The following RPRD1B variants were observed in gnomAD, a reference collection of about 807,000 sequenced individuals.
RPRD1B encodes regulation of nuclear pre-mRNA domain containing 1B.
A neutral mutation model predicts 41.5 loss-of-function variants in RPRD1B; 11 were observed. That is an observed-to-expected ratio of 0.27 (90% CI 0.17 to 0.44). RPRD1B has a LOEUF of 0.44. RPRD1B is among the 20% of genes least tolerant of loss of function. The pLI, the probability that RPRD1B is intolerant of heterozygous loss-of-function variation, is 1.00. For synonymous variants in RPRD1B, 158 were observed against 155.6 expected (o/e 1.02, Z -0.12); for missense variants, 248 against 389.9 (o/e 0.64, Z 3.06).
intron 5 of RPRD1B, 136 bp from the exon 6 acceptor site, chr20:38,065,942 ATTG>A (rs2074349982): frequency 2.6e-6 from 2 of 758,472 alleles, no homozygotes; most frequent in African/African-American, 3.5e-5. Flanking sequence ...TAATCAACTC[ATTG>A]TTTGTCCACA....
At chr20:38,037,170 T>C (rs2074011980) in intron 1 of RPRD1B, among the ~76,000 whole-genome samples, 1 of 152,228 alleles carries the variant, frequency 6.6e-6, no homozygotes. Context: ...TTTTTCTTGC[T>C]TAAATACTTC....
At chr20:38,087,706 GCCAAAGAAGAA>G (rs2074574757) in intron 6 of RPRD1B, among the ~76,000 whole-genome samples, 1 of 152,194 alleles carries the variant, frequency 6.6e-6, no homozygotes, top group Non-Finnish European at 1.5e-5. Context: ...AGTATAAACA[GCCAAAGAAGAA>G]AAGTACTTGT....
chr20:38,033,834 C>A lies in RPRD1B; in HGVS notation c.-114C>A. ...CCTTCTCGCACCCCTGGCAGTCTGT[C>A]AGTCGGTAAAAAGTCCCGCAGCCTG... On this transcript the variant is annotated 5_prime_UTR_variant, in exon 1 of 7. Coordinates refer to ENST00000373433, the MANE Select transcript of RPRD1B (RefSeq NM_021215.4). 9.4e-7 allele frequency: 1 copy of A among 1,067,352 alleles called. No homozygotes were observed. The highest frequency in any genetic ancestry group is 1.6e-5 in the South Asian group (1 of 61,456). 66.1% of individuals were successfully genotyped at this position (1,067,352 alleles called of 1,614,324 possible). A position where few individuals can be genotyped will look rare whatever the true frequency, so the allele number is the denominator to read the frequency against.
intron 6 of RPRD1B, among the ~76,000 whole-genome samples, chr20:38,072,769 A>G (rs1175756380): frequency 1.3e-5 from 2 of 152,218 alleles, no homozygotes; most frequent in Non-Finnish European, 2.9e-5. Flanking sequence ...TTTTGGGACC[A>G]CAGATGGAGG....
chr20:38,036,967 C>G (rs2074009896), intron 1 of RPRD1B, among the ~76,000 whole-genome samples: 2 of 152,154 alleles, frequency 1.3e-5, no homozygotes, highest in South Asian at 4.1e-4. Flanking sequence ...CAATACCTAG[C>G]TTCCGAATAT....
chr20:38,037,737 T>G (rs1004449102), intron 1 of RPRD1B, among the ~76,000 whole-genome samples: 1 of 152,220 alleles, frequency 6.6e-6, no homozygotes, highest in Non-Finnish European at 1.5e-5. Flanking sequence ...TGAAAATTAA[T>G]TGGCATTGTA....
intron 6 of RPRD1B, among the ~76,000 whole-genome samples, chr20:38,075,062 T>C (rs1350740323): frequency 6.6e-6 from 1 of 152,274 alleles, no homozygotes; most frequent in African/African-American, 2.4e-5. Context: ...TTTCTGTCTC[T>C]GTCTCTTAGC....
At chr20:38,039,359 T>A (rs187617551) in intron 1 of RPRD1B, among the ~76,000 whole-genome samples, 54 of 152,316 alleles carry the variant, frequency 3.5e-4, no homozygotes, top group Admixed American at 3.5e-3. Context: ...ATTATGGTTA[T>A]TGGAGTATCA....
chr20:38,045,147 TTAAAA>T (rs534066713), intron 2 of RPRD1B, among the ~76,000 whole-genome samples: 1 of 152,240 alleles, frequency 6.6e-6, no homozygotes, highest in Non-Finnish European at 1.5e-5. Flanking sequence ...TTAATCAGAA[TTAAAA>T]TATGAAGTGT....
chr20:38,050,960 G>A (rs1007929606), intron 3 of RPRD1B, among the ~76,000 whole-genome samples: 4 of 152,178 alleles, frequency 2.6e-5, no homozygotes, highest in African/African-American at 4.8e-5. Flanking sequence ...ATGAGTTCTC[G>A]AGAAGTTTAT....
At chr20:38,086,433 G>A (rs1467461) in intron 6 of RPRD1B, among the ~76,000 whole-genome samples, 152,043 of 152,368 alleles carry the variant, frequency 1, 75,862 homozygotes, top group East Asian at 1. Context: ...GTATATACCC[G>A]GTTATCCTTG....
chr20:38,079,752 G>A (rs1008280348), intron 6 of RPRD1B, among the ~76,000 whole-genome samples: 1 of 152,188 alleles, frequency 6.6e-6, no homozygotes, highest in African/African-American at 2.4e-5. Flanking sequence ...TATTGGGATT[G>A]CTGGGTTGAA....
intron 6 of RPRD1B, among the ~76,000 whole-genome samples, chr20:38,087,045 C>A (rs1370634488): frequency 6.6e-6 from 1 of 152,128 alleles, no homozygotes; most frequent in South Asian, 2.1e-4. Context: ...CAACCTCTGC[C>A]CCGCCGGGTT....
chr20:38,042,671 A>G (rs1201963914), intron 2 of RPRD1B, among the ~76,000 whole-genome samples: 1 of 152,226 alleles, frequency 6.6e-6, no homozygotes, highest in Non-Finnish European at 1.5e-5. Context: ...TTATTGGGAC[A>G]GAAAGTCCAA....
At chr20:38,080,937 T>G (rs565497260) in intron 6 of RPRD1B, among the ~76,000 whole-genome samples, 6 of 152,270 alleles carry the variant, frequency 3.9e-5, no homozygotes, top group Non-Finnish European at 7.3e-5. Flanking sequence ...TAGTTTGAAG[T>G]TGGGTAATGT....
At chr20:38,049,393 CAG>C (rs1480342359) in intron 3 of RPRD1B, among the ~76,000 whole-genome samples, 2 of 76,786 alleles carry the variant, frequency 2.6e-5, no homozygotes, top group Admixed American at 3.7e-4. Flanking sequence ...TTTTTTGAGA[CAG>C]AGTCTTGCTT....
chr20:38,085,729 G>C (rs191272615), intron 6 of RPRD1B: 2 of 152,360 alleles, frequency 1.3e-5, no homozygotes, highest in East Asian at 3.9e-4. Flanking sequence ...AACCTGGAAA[G>C]TCAGCTAGTG....
At chr20:38,038,476 A>ATTTTT (rs1287729946) in intron 1 of RPRD1B, among the ~76,000 whole-genome samples, 2 of 85,748 alleles carry the variant, frequency 2.3e-5, no homozygotes, top group African/African-American at 1.0e-4. Flanking sequence ...CGCCCGGCTG[A>ATTTTT]TTTTTTTTGT....
At chr20:38,051,450 T>C in intron 3 of RPRD1B, among the ~76,000 whole-genome samples, 1 of 152,200 alleles carries the variant, frequency 6.6e-6, no homozygotes, top group East Asian at 1.9e-4. Flanking sequence ...CTGGCTGCTT[T>C]TCATATTAAT....
Sources: gnomAD v4.1 joint callset for allele counts (sites outside exome capture counted in the v4.1 genomes callset) on GRCh38, gnomAD v4.1.1 for gene constraint, MANE v1.5 for transcripts, NCBI Gene and HGNC (gene_info 2026-07-23, HGNC 2026-07-21) for gene names.